Variants in MPDZ observed in about 807,000 individuals in gnomAD.
MPDZ encodes the protein multiple PDZ domain crumbs cell polarity complex component.
A neutral mutation model predicts 239.1 loss-of-function variants in MPDZ; 234 were observed. The observed-to-expected ratio is 0.98, with a 90% CI of 0.88 to 1.09. The LOEUF (loss-of-function observed/expected upper bound fraction) is 1.09. MPDZ is among the 50% of genes least tolerant of loss of function. The probability of loss-of-function intolerance (pLI) is 0.00; values close to 1 mark genes in which losing one functional copy is unlikely to be tolerated. For synonymous variants in MPDZ, 1,048 were observed against 881.3 expected (o/e 1.19, Z -3.35); for missense variants, 3,175 against 2,510.0 (o/e 1.26, Z -5.66).
At chr9:13,233,383 C>A (rs373622936) in intron 3 of MPDZ, among the ~76,000 whole-genome samples, 113 of 152,092 alleles carry the variant, frequency 7.4e-4, no homozygotes, top group African/African-American at 2.6e-3. Context: ...ATCTCACAGA[C>A]ACAAAGACAA....
Position 13,143,488 on chromosome 9 carries a change from G to A in MPDZ, c.3818C>T (p.Ser1273Phe), listed in dbSNP as rs1948005435. The A allele has an allele frequency of 6.2e-7, 1 of 1,612,402 alleles. No homozygotes were observed. Among genetic ancestry groups the A allele is most frequent in the Non-Finnish European group, 8.5e-7 (1 of 1,178,756 alleles). ...NFSSTNPFAD[S>F]LQINADKAPS... Reference sequence around the variant, plus strand: ...AACCTTGTCGGCGTTGATTTGTAGAGAGTCAGCAAATGGGTTAGTGCTGCT... The same window carrying A: ...AACCTTGTCGGCGTTGATTTGTAGAAAGTCAGCAAATGGGTTAGTGCTGCT... Residue 1273 changes from serine (S) to phenylalanine (F), a missense_variant, in exon 27 of 47, where the codon TCT (serine) becomes TTT (phenylalanine). By Grantham distance (155) the Ser-to-Phe change is radical (BLOSUM62 -2). Coordinates refer to ENST00000319217, the MANE Select transcript of MPDZ (RefSeq NM_001378778.1).
intron 1 of MPDZ, among the ~76,000 whole-genome samples, chr9:13,252,204 T>C (rs1968222435): frequency 6.6e-6 from 1 of 152,128 alleles, no homozygotes; most frequent in South Asian, 2.1e-4. Context: ...AAGGAGAATA[T>C]GATACTCCTT....
chr9:13,221,399 G>T lies in MPDZ; in HGVS notation c.849C>A (p.Thr283=), dbSNP rs748108822. The change falls in exon 7 of 47, where the codon ACC becomes ACA. Residue 283 remains threonine, a synonymous_variant. Coordinates refer to ENST00000319217, the MANE Select transcript of MPDZ (RefSeq NM_001378778.1). ...GATCAGCTACTCCTCCAGGCAGAAT[G>T]GTTTTTACTATCACACCAGTTGCTT... ...GGKATGVIVK[T]ILPGGVADQH... is the part of the protein sequence containing the mutation. 7 of 1,609,964 alleles carry T rather than the reference G, an allele frequency of 4.3e-6. No homozygotes were observed. The East Asian group carries it at 1.6e-4, about 36-fold the overall frequency.
chr9:13,145,493 T>C (rs1380923711), intron 26 of MPDZ, among the ~76,000 whole-genome samples: 2 of 152,064 alleles, frequency 1.3e-5, no homozygotes, highest in East Asian at 3.8e-4. Context: ...CTTTATCCTA[T>C]ATCTACAGAT....
chr9:13,225,834 T>C (rs1960402251), intron 3 of MPDZ, among the ~76,000 whole-genome samples: 1 of 152,090 alleles, frequency 6.6e-6, no homozygotes, highest in African/African-American at 2.4e-5. Context: ...ACATCGATTC[T>C]GGGAGAGTTA....
chr9:13,145,349 G>A (rs1287617305), intron 26 of MPDZ, among the ~76,000 whole-genome samples: 2 of 151,966 alleles, frequency 1.3e-5, no homozygotes, highest in Non-Finnish European at 1.5e-5. Flanking sequence ...AGAAAATGTG[G>A]TCAGACTGAA....
chr9:13,232,865 G>GA (rs751725550), intron 3 of MPDZ, among the ~76,000 whole-genome samples: 2,253 of 76,390 alleles, frequency 0.029, 52 homozygotes, highest in African/African-American at 0.081. Context: ...AAAATGGGTG[G>GA]AAAAAAAAAA....
chr9:13,130,308 A>G (rs1353378822), intron 32 of MPDZ, among the ~76,000 whole-genome samples: 1 of 152,230 alleles, frequency 6.6e-6, no homozygotes, highest in Admixed American at 6.5e-5. Context: ...TAAGGAGTCA[A>G]AACAGAACTA....
intron 43 of MPDZ, among the ~76,000 whole-genome samples, chr9:13,111,760 T>C (rs929074096): frequency 2.0e-5 from 3 of 152,210 alleles, no homozygotes; most frequent in African/African-American, 7.2e-5. Context: ...TCTTTTAGCT[T>C]GTTCCACAGA....
rs113817596 is a variant in MPDZ, at chr9:13,178,853, C to T, written c.2650-2436G>A. On this transcript the variant is annotated intron_variant, in intron 19 of 46. Transcript: ENST00000319217. ...TTTCTGCAACCAAATTTGTCATTCT[C>T]TTGTGCTTTTGCGTTTTATATATTA... 7.0e-3 allele frequency among the ~76,000 whole-genome samples: 1,067 copies of T among 152,248 alleles called. 10 individuals carry two copies. Among genetic ancestry groups the T allele is most frequent in the African/African-American group, 0.025 (1,030 of 41,554 alleles).
intron 5 of MPDZ, 24 bp from the exon 6 acceptor site, chr9:13,222,470 A>G (rs1389863800): frequency 6.4e-7 from 1 of 1,572,224 alleles, no homozygotes; most frequent in East Asian, 2.2e-5. Context: ...AAAAGGGGAT[A>G]AAAGACAATC....
At chr9:13,190,918 G>A (rs1489159107) in intron 15 of MPDZ, among the ~76,000 whole-genome samples, 1 of 152,016 alleles carries the variant, frequency 6.6e-6, no homozygotes, top group Non-Finnish European at 1.5e-5. Flanking sequence ...AATTTTCTGA[G>A]GACTAAATGA....
At chr9:13,247,277 C>T (rs1025815653) in intron 3 of MPDZ, among the ~76,000 whole-genome samples, 4 of 152,094 alleles carry the variant, frequency 2.6e-5, no homozygotes, top group South Asian at 2.1e-4. Flanking sequence ...ACTGAATGTC[C>T]GAATCTGAAT....
rs116820353 is a variant in MPDZ at position 13,214,594 on chromosome 9, T to G, written c.1290+2180A>C. Among the ~76,000 whole-genome samples, 703 of 152,194 alleles carry G rather than the reference T, an allele frequency of 4.6e-3. 8 individuals carry two copies. Among genetic ancestry groups the G allele is most frequent in the African/African-American group, 0.016 (674 of 41,564 alleles). ...TATGTGAATTACATTTCAATCAAGC[T>G]TATTTTTTTAAAAGTTTTCTAATTG... On this transcript the variant is annotated intron_variant, in intron 10 of 46. Transcript: ENST00000319217.
intron 1 of MPDZ, among the ~76,000 whole-genome samples, chr9:13,254,882 C>T (rs945472641): frequency 2.0e-5 from 3 of 152,140 alleles, no homozygotes; most frequent in Admixed American, 6.6e-5. Context: ...TGCTGACTGA[C>T]GGGTGGTGGT....
Position 13,158,036 on chromosome 9 carries a change from T to C in MPDZ, c.3434A>G (p.Asn1145Ser). 2 of 1,612,684 alleles carry C rather than the reference T, an allele frequency of 1.2e-6. No individual in the cohort carries two copies. The highest frequency in any genetic ancestry group is 1.7e-6 in the Non-Finnish European group (2 of 1,179,130). Residue 1145 changes from asparagine (N) to serine (S), a missense_variant, in exon 24 of 47, where the codon AAT (asparagine) becomes AGT (serine). Asn to Ser is a conservative substitution (Grantham distance 46, BLOSUM62 1). Coordinates refer to ENST00000319217, the MANE Select transcript of MPDZ (RefSeq NM_001378778.1). ...ESELQNTAYS[N>S]WNQPRRVELW... Reference sequence around the variant, plus strand: ...TCCTTACCGCCTGGGCTGATTCCAATTGCTATATGCTGTGTTTTGAAGTTC... The same window carrying C: ...TCCTTACCGCCTGGGCTGATTCCAACTGCTATATGCTGTGTTTTGAAGTTC...
intron 28 of MPDZ, 157 bp downstream of exon 28, chr9:13,139,830 G>A: frequency 2.3e-6 from 2 of 856,776 alleles, no homozygotes; most frequent in Admixed American, 1.9e-5. Flanking sequence ...AATGTATGCT[G>A]TATTCAAGCA....
chr9:13,153,917 A>G (rs1390943461), intron 24 of MPDZ, among the ~76,000 whole-genome samples: 1 of 152,154 alleles, frequency 6.6e-6, no homozygotes, highest in Non-Finnish European at 1.5e-5. Context: ...AATACAGAAA[A>G]CATAAGTAAC....
Position 13,125,149 on chromosome 9 carries a change from G to C in MPDZ, c.4807+67C>G, listed in dbSNP as rs968442807. The C allele has an allele frequency of 2.8e-6, 4 of 1,419,818 alleles. No homozygotes were observed. In the African/African-American group the frequency reaches 4.3e-5, roughly 15 times the overall value. The allele number at this position is 1,419,818 out of a possible 1,614,324, so 88.0% of individuals were successfully genotyped here. On this transcript the variant is annotated intron_variant, in intron 35 of 46. Coordinates refer to ENST00000319217, the MANE Select transcript of MPDZ (RefSeq NM_001378778.1). ...CCACAGGTAGGCAGCTGGCTCCCAA[G>C]CAGAAACCCTCTGCTGAGTTCAGGT...
Sources: allele counts gnomAD v4.1 joint callset (sites outside exome capture counted in the v4.1 genomes callset), GRCh38; gene constraint gnomAD v4.1.1; transcripts MANE v1.5; gene names NCBI Gene and HGNC (gene_info 2026-07-23, HGNC 2026-07-21).